PLD5: variants seen among roughly 807,000 people sequenced by gnomAD.
PLD5 encodes the protein inactive phospholipase D5.
A neutral mutation model predicts 61.1 loss-of-function variants in PLD5; 36 were observed. That is an observed-to-expected ratio of 0.59 (90% CI 0.45 to 0.78). The LOEUF (loss-of-function observed/expected upper bound fraction) is 0.78, where lower values mean the gene tolerates loss of function less well. PLD5 is among the 30% of genes least tolerant of loss of function. The pLI is 0.00. For synonymous variants in PLD5, 243 were observed against 242.8 expected (o/e 1.00, Z -0.01); for missense variants, 515 against 644.4 (o/e 0.80, Z 2.17).
intron 1 of PLD5, among the ~76,000 whole-genome samples, chr1:242,396,676 T>TC (rs1663597048): frequency 1.5e-5 from 2 of 136,726 alleles, no homozygotes; most frequent in African/African-American, 2.7e-5. Flanking sequence ...TTCTTTTCTT[T>TC]TTTTTTTTTT....
chr1:242,518,727 GC>G (rs1669184701), intron 1 of PLD5, among the ~76,000 whole-genome samples: 1 of 152,180 alleles, frequency 6.6e-6, no homozygotes, highest in Admixed American at 6.5e-5. Context: ...ATCATCCAGA[GC>G]TTCTCAAATT....
chr1:242,184,761 A>G (rs2148911044), intron 5 of PLD5, among the ~76,000 whole-genome samples: 1 of 152,350 alleles, frequency 6.6e-6, no homozygotes, highest in East Asian at 1.9e-4. Flanking sequence ...GACCCACTGC[A>G]CTATCAGAGA....
chr1:242,453,009 A>G, intron 1 of PLD5, among the ~76,000 whole-genome samples: 1 of 152,244 alleles, frequency 6.6e-6, no homozygotes, highest in East Asian at 1.9e-4. Context: ...AAGACAAAGG[A>G]AAAAGAAATC....
At chr1:242,107,546 GC>G in intron 8 of PLD5, 124 bp downstream of exon 8, 1 of 911,282 alleles carries the variant, frequency 1.1e-6, no homozygotes, top group Non-Finnish European at 1.6e-6. Flanking sequence ...TACTTAACGT[GC>G]TTTTTGAAGA....
intron 1 of PLD5, among the ~76,000 whole-genome samples, chr1:242,351,973 T>C (rs1660502549): frequency 6.6e-6 from 1 of 152,230 alleles, no homozygotes; most frequent in South Asian, 2.1e-4. Context: ...TATAGTTTTA[T>C]AAGGTACAAA....
At chr1:242,451,289 A>C (rs929332094) in intron 1 of PLD5, among the ~76,000 whole-genome samples, 22 of 152,048 alleles carry the variant, frequency 1.4e-4, no homozygotes, top group African/African-American at 5.3e-4. Context: ...TCCTCAACTT[A>C]CAGCAATTTA....
chr1:242,349,325 C>G (rs182620471), intron 1 of PLD5, among the ~76,000 whole-genome samples: 1 of 152,086 alleles, frequency 6.6e-6, no homozygotes, highest in East Asian at 1.9e-4. Flanking sequence ...TCTTATCAGA[C>G]TTAGAGTCTG....
intron 1 of PLD5, among the ~76,000 whole-genome samples, chr1:242,424,982 A>G (rs567187608): frequency 6.6e-6 from 1 of 152,294 alleles, no homozygotes; most frequent in East Asian, 1.9e-4. Context: ...AAATACAACA[A>G]TTAGCTGGGT....
upstream of PLD5, among the ~76,000 whole-genome samples, chr1:242,529,695 A>G (rs1669511952): frequency 1.3e-5 from 2 of 152,114 alleles, no homozygotes; most frequent in African/African-American, 4.8e-5. Flanking sequence ...CCAGAGCGAG[A>G]TCCTGGTAGA....
intron 1 of PLD5, among the ~76,000 whole-genome samples, chr1:242,497,205 C>A (rs1195262131): frequency 6.6e-6 from 1 of 152,284 alleles, no homozygotes; most frequent in East Asian, 1.9e-4. Context: ...AGATTAGGAG[C>A]CTGAGCTGGG....
intron 8 of PLD5, among the ~76,000 whole-genome samples, chr1:242,101,529 G>C (rs1660687000): frequency 6.6e-6 from 1 of 152,180 alleles, no homozygotes; most frequent in Non-Finnish European, 1.5e-5. Context: ...CCATGACTCA[G>C]CTCACTGGAA....
chr1:242,454,774 A>G (rs1175822483), intron 1 of PLD5, among the ~76,000 whole-genome samples: 1 of 152,192 alleles, frequency 6.6e-6, no homozygotes, highest in Non-Finnish European at 1.5e-5. Flanking sequence ...GGTCTAACAT[A>G]TCTAACAGAA....
At chr1:242,498,058 G>A (rs901634343) in intron 1 of PLD5, among the ~76,000 whole-genome samples, 2 of 152,100 alleles carry the variant, frequency 1.3e-5, no homozygotes, top group African/African-American at 4.8e-5. Flanking sequence ...TCCACCTCCC[G>A]GGTTTAAGCA....
intron 1 of PLD5, among the ~76,000 whole-genome samples, chr1:242,422,441 A>G (rs991072187): frequency 1.3e-5 from 2 of 152,208 alleles, no homozygotes; most frequent in African/African-American, 4.8e-5. Flanking sequence ...ATAGCCAACT[A>G]TAATAAATTT....
chr1:242,281,869 G>A (rs532018375), intron 3 of PLD5, among the ~76,000 whole-genome samples: 21 of 151,974 alleles, frequency 1.4e-4, no homozygotes, highest in African/African-American at 2.7e-4. Flanking sequence ...GGGTGTGTGC[G>A]CGCACACACA....
intron 5 of PLD5, among the ~76,000 whole-genome samples, chr1:242,207,788 ATTTATATATATTTATATATATT>A: frequency 1.1e-5 from 1 of 92,056 alleles, no homozygotes; most frequent in African/African-American, 5.2e-5. Context: ...ATATATTTAT[ATTTATATATATTTATATATATT>A]TATATTTATA....
chr1:242,284,119 CTTTTTTTTTTTT>C (rs565165218), intron 3 of PLD5, among the ~76,000 whole-genome samples: 73 of 75,914 alleles, frequency 9.6e-4, no homozygotes, highest in Admixed American at 1.6e-3. Context: ...TTTCTTTTTC[CTTTTTTTTTTTT>C]TTTTTTTTTT....
At chr1:242,477,884 T>G (rs1400709499) in intron 1 of PLD5, among the ~76,000 whole-genome samples, 2 of 152,182 alleles carry the variant, frequency 1.3e-5, no homozygotes, top group South Asian at 2.1e-4. Flanking sequence ...GGACCCTGAG[T>G]GCAGAGTTCT....
At chr1:242,528,635 C>T (rs1179847568), upstream of PLD5, among the ~76,000 whole-genome samples, 2 of 152,166 alleles carry the variant, frequency 1.3e-5, no homozygotes, top group Non-Finnish European at 2.9e-5. Context: ...GCACATATCA[C>T]ATTTACTCCT....
Sources: gnomAD v4.1 joint callset for allele counts (sites outside exome capture counted in the v4.1 genomes callset) on GRCh38, gnomAD v4.1.1 for gene constraint, MANE v1.5 for transcripts, NCBI Gene and HGNC (gene_info 2026-07-23, HGNC 2026-07-21) for gene names.